The following SEMA3E variants were observed in gnomAD, a reference collection of about 807,000 sequenced individuals.
SEMA3E encodes semaphorin 3E, also known as semaphorin-3E.
Under a neutral mutation model 93.6 loss-of-function variants are expected in SEMA3E, and 49 were observed. The observed-to-expected ratio is 0.52, with a 90% CI of 0.42 to 0.66. SEMA3E has a LOEUF of 0.66. Among genes scored for constraint, SEMA3E ranks in the 30% least tolerant of loss-of-function variants. The pLI is 0.00. For synonymous variants in SEMA3E, 363 were observed against 330.7 expected (o/e 1.10, Z -1.06); for missense variants, 906 against 964.8 (o/e 0.94, Z 0.81).
chr7:83,588,356 G>A (rs944663973), intron 1 of SEMA3E, among the ~76,000 whole-genome samples: 9 of 151,936 alleles, frequency 5.9e-5, no homozygotes, highest in Non-Finnish European at 1.2e-4. Context: ...ACTCCAGCCT[G>A]GTGGCAGAGC....
intron 1 of SEMA3E, among the ~76,000 whole-genome samples, chr7:83,531,341 C>CGTTT (rs1791293452): frequency 1.5e-5 from 1 of 68,132 alleles, no homozygotes; most frequent in African/African-American, 5.8e-5. Flanking sequence ...TTGGAATATT[C>CGTTT]TTTTTTTTTT....
chr7:83,606,561 A>G (rs1333861407), intron 1 of SEMA3E, among the ~76,000 whole-genome samples: 2 of 141,614 alleles, frequency 1.4e-5, no homozygotes, highest in Non-Finnish European at 1.5e-5. Context: ...GAATTGAACA[A>G]TGAGATCACA....
intron 4 of SEMA3E, among the ~76,000 whole-genome samples, chr7:83,462,578 T>C (rs1047482394): frequency 6.6e-6 from 1 of 151,942 alleles, no homozygotes; most frequent in Non-Finnish European, 1.5e-5. Context: ...CTCTACTCCC[T>C]CCTTGGCGAC....
At chr7:83,436,772 C>G (rs563267834) in intron 4 of SEMA3E, among the ~76,000 whole-genome samples, 3 of 152,056 alleles carry the variant, frequency 2.0e-5, no homozygotes, top group Non-Finnish European at 4.4e-5. Context: ...ATTTTAAAAC[C>G]TTGTTCAATA....
intron 1 of SEMA3E, among the ~76,000 whole-genome samples, chr7:83,635,055 G>A (rs1052516141): frequency 4.6e-5 from 7 of 151,954 alleles, no homozygotes; most frequent in African/African-American, 1.7e-4. Context: ...CAATATTCTA[G>A]TACTCATTCT....
intron 2 of SEMA3E, among the ~76,000 whole-genome samples, chr7:83,475,499 C>T (rs140428996): frequency 2.0e-5 from 3 of 152,120 alleles, no homozygotes; most frequent in Non-Finnish European, 4.4e-5. Context: ...TAACAGCCCC[C>T]TTATAAGATT....
chr7:83,577,567 A>C (rs1792432187), intron 1 of SEMA3E, among the ~76,000 whole-genome samples: 1 of 152,148 alleles, frequency 6.6e-6, no homozygotes, highest in African/African-American at 2.4e-5. Flanking sequence ...TTGTCTGTAT[A>C]TTTTGTAATG....
intron 15 of SEMA3E, 152 bp from the exon 16 acceptor site, chr7:83,385,585 G>C (rs1386269783): frequency 5.6e-6 from 5 of 899,178 alleles, no homozygotes; most frequent in African/African-American, 3.3e-5. Context: ...TATTTAGAAA[G>C]AGTGGCATAC....
chr7:83,446,797 A>T (rs377258969), intron 4 of SEMA3E, among the ~76,000 whole-genome samples: 9 of 152,312 alleles, frequency 5.9e-5, no homozygotes, highest in African/African-American at 7.2e-5. Context: ...AAGTGACTTC[A>T]TTTCTTCCTT....
chr7:83,497,366 C>T (rs1790508639), intron 1 of SEMA3E, among the ~76,000 whole-genome samples: 1 of 152,136 alleles, frequency 6.6e-6, no homozygotes. Flanking sequence ...GTTCCACCGT[C>T]ACCTGCCAAG....
chr7:83,588,723 T>C (rs1261488012), intron 1 of SEMA3E, among the ~76,000 whole-genome samples: 1 of 152,200 alleles, frequency 6.6e-6, no homozygotes, highest in African/African-American at 2.4e-5. Flanking sequence ...TTTTAAATTG[T>C]AGTACATATT....
At chr7:83,454,791 G>A (rs948197718) in intron 4 of SEMA3E, among the ~76,000 whole-genome samples, 1 of 152,246 alleles carries the variant, frequency 6.6e-6, no homozygotes, top group East Asian at 1.9e-4. Flanking sequence ...ATGAGATAAC[G>A]TGTAACACAT....
chr7:83,616,444 A>T (rs1793368670), intron 1 of SEMA3E, among the ~76,000 whole-genome samples: 1 of 152,164 alleles, frequency 6.6e-6, no homozygotes. Context: ...AAGGGGAACT[A>T]TATTTGACTT....
chr7:83,590,182 G>C (rs1562845342), intron 1 of SEMA3E, among the ~76,000 whole-genome samples: 1 of 152,062 alleles, frequency 6.6e-6, no homozygotes, highest in Non-Finnish European at 1.5e-5. Context: ...GAATTAAAAA[G>C]TGAAAGTGCT....
At chr7:83,625,577 G>A (rs371095376) in intron 1 of SEMA3E, among the ~76,000 whole-genome samples, 8 of 152,218 alleles carry the variant, frequency 5.3e-5, no homozygotes, top group Admixed American at 1.3e-4. Flanking sequence ...CTTTGCTGAC[G>A]TTGCTTATCA....
At chr7:83,514,419 C>A (rs942908323) in intron 1 of SEMA3E, among the ~76,000 whole-genome samples, 4 of 151,842 alleles carry the variant, frequency 2.6e-5, no homozygotes, top group African/African-American at 9.7e-5. Flanking sequence ...GGATCGAGAC[C>A]CCTTTCCTGT....
rs371604308 is a variant in SEMA3E, at chr7:83,408,380, G to A, written c.658C>T (p.Arg220Cys). Reference sequence around the variant, plus strand: ...TCCTCATCCTTACCTTTCAACAGACGCTCATCGTCATGCTCAGTGCGGATA... The same window carrying A: ...TCCTCATCCTTACCTTTCAACAGACACTCATCGTCATGCTCAGTGCGGATA... ...AHIRTEHDDE[R>C]LLKEPKFVGS... The change falls in exon 6 of 17, where the codon CGT becomes TGT. Residue 220 changes from arginine (R) to cysteine (C), a missense_variant. Transcript: ENST00000643230. 46 of 1,613,498 alleles carry A rather than the reference G, an allele frequency of 2.9e-5. 1 individual carries two copies. In the South Asian group the frequency reaches 3.5e-4, roughly 12 times the overall value.
At chr7:83,461,078 T>C (rs939643161) in intron 4 of SEMA3E, among the ~76,000 whole-genome samples, 15 of 152,254 alleles carry the variant, frequency 9.9e-5, no homozygotes, top group African/African-American at 3.6e-4. Flanking sequence ...TAGTTCCAAA[T>C]AGCCAGAAAA....
intron 4 of SEMA3E, among the ~76,000 whole-genome samples, chr7:83,457,252 A>G (rs1053343178): frequency 2.0e-5 from 3 of 152,210 alleles, no homozygotes; most frequent in Non-Finnish European, 4.4e-5. Flanking sequence ...GAAGACTCTC[A>G]GAGGAAACTA....
Sources: gnomAD v4.1 joint callset for allele counts (sites outside exome capture counted in the v4.1 genomes callset) on GRCh38, gnomAD v4.1.1 for gene constraint, MANE v1.5 for transcripts, NCBI Gene and HGNC (gene_info 2026-07-23, HGNC 2026-07-21) for gene names.